Variants in TBL1X observed in about 807,000 individuals in gnomAD.
The protein encoded by TBL1X is transducin beta like 1 X-linked, also known as F-box-like/WD repeat-containing protein TBL1X.
TBL1X carries 10 observed loss-of-function variants against 50.7 expected under a neutral mutation model. The ratio of observed to expected loss-of-function variants is 0.20; its 90% CI spans 0.12 to 0.33. The LOEUF is 0.33. Ranked by LOEUF, TBL1X falls within the 10% of genes least tolerant of loss-of-function variation. The pLI, the probability that TBL1X is intolerant of heterozygous loss-of-function variation, is 1.00. For missense variants in TBL1X, 340 were observed against 504.4 expected, an observed-to-expected ratio of 0.67 and a Z score of 3.12; for synonymous variants, 190 against 214.7, an observed-to-expected ratio of 0.88 and a Z score of 1.01.
In TBL1X at chrX:9,566,636, T is replaced by A. The variant is rs749572881; in HGVS notation, c.-131+64787T>A. The stretch of plus-strand genomic sequence containing the variant: ...CTGAAAACATATTTTAGATTTTTCA[T>A]GTTGCTTTCATGATGGTACAACTTG... On this transcript the variant is annotated intron_variant, in intron 2 of 17. Coordinates refer to ENST00000645353, the MANE Select transcript of TBL1X (RefSeq NM_005647.4). Among the ~76,000 whole-genome samples, 8 of 112,507 alleles carry A rather than the reference T, an allele frequency of 7.1e-5. No individual in the cohort carries two copies. In the South Asian group the frequency reaches 3.0e-3, roughly 42 times the overall value.
chrX:9,469,930 T>A (rs958598779), intron 1 of TBL1X, among the ~76,000 whole-genome samples: 1 of 112,615 alleles, frequency 8.9e-6, no homozygotes, highest in Admixed American at 9.4e-5. Context: ...ACACATGAAC[T>A]TCATGCCTTT....
rs778793270 is a variant in TBL1X at position 9,697,438 on chromosome X, T to G, written c.1114+9T>G. The G allele has an allele frequency of 1.4e-5, 17 of 1,206,614 alleles. No homozygotes were observed. The highest frequency in any genetic ancestry group is 3.1e-4 in the Middle Eastern group (1 of 3,194). On this transcript the variant is annotated intron_variant, in intron 12 of 17. Coordinates refer to ENST00000645353, the MANE Select transcript of TBL1X (RefSeq NM_005647.4). ...GTTTCCTTTTCATTCAGGTGAGTTT[T>G]TTGTTGTTGTTGTTGTTGTTTGTTT... is the stretch of plus-strand genomic sequence containing the variant.
chrX:9,612,492 A>C (rs113742198), intron 2 of TBL1X, among the ~76,000 whole-genome samples: 4 of 112,499 alleles, frequency 3.6e-5, no homozygotes, highest in African/African-American at 1.3e-4. Flanking sequence ...ACTGTGTATT[A>C]AATTATTATT....
chrX:9,567,685 G>A (rs1176414925), intron 2 of TBL1X, among the ~76,000 whole-genome samples: 1 of 112,227 alleles, frequency 8.9e-6, no homozygotes, highest in Non-Finnish European at 1.9e-5. Flanking sequence ...TGACCACCAT[G>A]TCTCCTTCCA....
intron 2 of TBL1X, among the ~76,000 whole-genome samples, chrX:9,577,729 AC>A (rs1330439491): frequency 1.8e-5 from 2 of 112,083 alleles, no homozygotes; most frequent in Non-Finnish European, 3.8e-5. Flanking sequence ...GACAGCACAG[AC>A]CCAGTTTTCT....
intron 2 of TBL1X, among the ~76,000 whole-genome samples, chrX:9,596,451 A>G (rs2082526992): frequency 1.8e-5 from 2 of 111,512 alleles, no homozygotes; most frequent in Non-Finnish European, 3.8e-5. Context: ...GGCAATATCT[A>G]GAGACATTTT....
At chrX:9,546,850 G>A (rs1208261104) in intron 2 of TBL1X, among the ~76,000 whole-genome samples, 1 of 69,837 alleles carries the variant, frequency 1.4e-5, no homozygotes, top group Non-Finnish European at 2.4e-5. Flanking sequence ...ACGGAGTCTC[G>A]CTCTGTCGCC....
intron 6 of TBL1X, among the ~76,000 whole-genome samples, chrX:9,685,465 G>T (rs1455938257): frequency 1.8e-5 from 2 of 110,077 alleles, no homozygotes; most frequent in Admixed American, 9.7e-5. Context: ...TCAGTCCCCT[G>T]CAGCTTCCTC....
At chrX:9,493,405 G>A (rs918570193) in intron 1 of TBL1X, among the ~76,000 whole-genome samples, 9 of 111,608 alleles carry the variant, frequency 8.1e-5, no homozygotes, top group African/African-American at 2.9e-4. Context: ...TTTGGAAATT[G>A]GGGTTATGTA....
intron 5 of TBL1X, among the ~76,000 whole-genome samples, chrX:9,670,926 A>G (rs1037497311): frequency 1.8e-5 from 2 of 112,570 alleles, no homozygotes; most frequent in Non-Finnish European, 3.7e-5. Flanking sequence ...TGCTTTAGGA[A>G]TAATAAAGGA....
intron 3 of TBL1X, among the ~76,000 whole-genome samples, chrX:9,648,926 A>T (rs2082819510): frequency 1.8e-5 from 2 of 112,268 alleles, no homozygotes; most frequent in East Asian, 5.6e-4. Context: ...GTGTGTGGTG[A>T]GGTTTGTCTG....
At chrX:9,639,203 T>C (rs1311150853) in intron 2 of TBL1X, among the ~76,000 whole-genome samples, 1 of 111,180 alleles carries the variant, frequency 9.0e-6, no homozygotes, top group Non-Finnish European at 1.9e-5. Context: ...ACTATAAACA[T>C]GACTCAGTGG....
chrX:9,708,014 G>C (rs1439683458), intron 13 of TBL1X, among the ~76,000 whole-genome samples: 4 of 112,139 alleles, frequency 3.6e-5, no homozygotes. Context: ...TTCATTATGA[G>C]TGTGTCATTA....
intron 2 of TBL1X, among the ~76,000 whole-genome samples, chrX:9,523,644 C>T (rs938908220): frequency 8.9e-6 from 1 of 112,401 alleles, no homozygotes; most frequent in Non-Finnish European, 1.9e-5. Context: ...TTCAGCGAGG[C>T]GCCCCCAGCC....
intron 5 of TBL1X, among the ~76,000 whole-genome samples, 198 bp downstream of exon 5, chrX:9,654,520 C>CT (rs2082854890): frequency 8.9e-6 from 1 of 111,887 alleles, no homozygotes; most frequent in Admixed American, 9.5e-5. Flanking sequence ...TCTTTCTTCC[C>CT]TTGACACTTC....
chrX:9,648,888 A>T (rs759117759), intron 3 of TBL1X, among the ~76,000 whole-genome samples: 1 of 112,438 alleles, frequency 8.9e-6, no homozygotes, highest in African/African-American at 3.2e-5. Context: ...AAAAAAGAGG[A>T]GGAGGAGGAA....
At chrX:9,689,077 T>C (rs774212279) in intron 7 of TBL1X, among the ~76,000 whole-genome samples, 1 of 113,257 alleles carries the variant, frequency 8.8e-6, no homozygotes. Flanking sequence ...TTCCTGTGCG[T>C]GTGTGTGCAC....
intron 11 of TBL1X, among the ~76,000 whole-genome samples, chrX:9,695,031 T>G (rs1001245300): frequency 3.6e-5 from 4 of 112,062 alleles, no homozygotes; most frequent in African/African-American, 1.3e-4. Flanking sequence ...ATCATCCCAC[T>G]TTGGGAGAAA....
intron 2 of TBL1X, among the ~76,000 whole-genome samples, chrX:9,633,813 C>T (rs1413950323): frequency 4.5e-5 from 5 of 111,760 alleles, no homozygotes; most frequent in African/African-American, 1.6e-4. Flanking sequence ...GTGGAGATGT[C>T]TTTCATAGAG....
Sources: allele counts gnomAD v4.1 joint callset (sites outside exome capture counted in the v4.1 genomes callset), GRCh38; gene constraint gnomAD v4.1.1; transcripts MANE v1.5; gene names NCBI Gene and HGNC (gene_info 2026-07-23, HGNC 2026-07-21).